PCSK2: variants seen among roughly 807,000 people sequenced by gnomAD.
The protein encoded by PCSK2 is neuroendocrine convertase 2.
Under a neutral mutation model 69.7 loss-of-function variants are expected in PCSK2, and 14 were observed. The observed-to-expected ratio is 0.20, with a 90% CI of 0.13 to 0.31. The LOEUF (loss-of-function observed/expected upper bound fraction) is 0.31, where lower values mean the gene tolerates loss of function less well. PCSK2 is among the 10% of genes least tolerant of loss of function. The pLI is 1.00. For synonymous variants in PCSK2, 307 were observed against 320.7 expected (o/e 0.96, Z 0.46); for missense variants, 544 against 842.5 (o/e 0.65, Z 4.39).
chr20:17,333,243 T>TA lies in PCSK2; in HGVS notation c.283-25080dup, dbSNP rs532544395. On this transcript the variant is annotated intron_variant, in intron 2 of 11. Transcript: ENST00000262545. ...AAAAAGAATGATAAAGCAAATGTGG[T>TA]AAAATGTTATATTTAGAAAATCTGA... Among the ~76,000 whole-genome samples, 323 of 152,320 alleles carry TA rather than the reference T, an allele frequency of 2.1e-3. 1 individual carries two copies. The highest frequency in any genetic ancestry group is 3.9e-3 in the Non-Finnish European group (263 of 68,034).
At chr20:17,277,499 G>C (rs1027785293) in intron 2 of PCSK2, among the ~76,000 whole-genome samples, 1 of 152,172 alleles carries the variant, frequency 6.6e-6, no homozygotes, top group Non-Finnish European at 1.5e-5. Context: ...ATGGTGCTGG[G>C]AAAACTGGCT....
At chr20:17,303,471 T>TTA (rs1186479395) in intron 2 of PCSK2, among the ~76,000 whole-genome samples, 2 of 49,010 alleles carry the variant, frequency 4.1e-5, no homozygotes, top group African/African-American at 1.6e-4. Context: ...ATAATATATA[T>TTA]TATATATAAT....
chr20:17,449,544 A>ATATATATATATATATGTATGTATG (rs2032776434), intron 8 of PCSK2, among the ~76,000 whole-genome samples: 1 of 73,368 alleles, frequency 1.4e-5, no homozygotes, highest in Admixed American at 1.2e-4. Context: ...ATATATGTAT[A>ATATATATATATATATGTATGTATG]TTTGAGACTG....
chr20:17,459,481 A>G (rs2032977801), intron 10 of PCSK2, among the ~76,000 whole-genome samples: 1 of 152,202 alleles, frequency 6.6e-6, no homozygotes, highest in African/African-American at 2.4e-5. Context: ...GTGCAATTCT[A>G]GTAGATATCG....
chr20:17,438,871 T>C (rs1221799443), intron 8 of PCSK2, among the ~76,000 whole-genome samples: 1 of 152,222 alleles, frequency 6.6e-6, no homozygotes, highest in Admixed American at 6.5e-5. Flanking sequence ...AAGGGAAAGC[T>C]TTACCCAAGA....
At position 17,484,338 on chromosome 20, in the gene PCSK2, C is replaced by T. The variant is rs2033459413; in HGVS notation, c.*2268C>T. 1 of 152,298 alleles carries T rather than the reference C, an allele frequency of 6.6e-6. No homozygotes were observed. Among genetic ancestry groups the T allele is most frequent in the Non-Finnish European group, 1.5e-5 (1 of 67,932 alleles). 9.4% of individuals were successfully genotyped at this position (152,298 alleles called of 1,614,324 possible). ...AGTGCTATATATATAAATATTTGGT[C>T]TCTATTTCATTTTTTGCATCAGTAT... is the stretch of plus-strand genomic sequence containing the variant. On this transcript the variant is annotated 3_prime_UTR_variant, in exon 12 of 12. Coordinates refer to ENST00000262545, the MANE Select transcript of PCSK2 (RefSeq NM_002594.5).
chr20:17,465,695 G>A (rs2123401787), intron 11 of PCSK2, 142 bp downstream of exon 11: 2 of 630,760 alleles, frequency 3.2e-6, no homozygotes, highest in South Asian at 2.1e-5. Flanking sequence ...TTGAGACAGG[G>A]CCTCACTTTG....
At chr20:17,476,142 G>A (rs542085531) in intron 11 of PCSK2, among the ~76,000 whole-genome samples, 3 of 152,256 alleles carry the variant, frequency 2.0e-5, no homozygotes, top group South Asian at 2.1e-4. Flanking sequence ...CCAGAGAGGT[G>A]GCCAGAAAAC....
intron 2 of PCSK2, among the ~76,000 whole-genome samples, chr20:17,267,118 T>A (rs1000758068): frequency 6.6e-6 from 1 of 152,124 alleles, no homozygotes; most frequent in African/African-American, 2.4e-5. Context: ...CAGCTCCCCA[T>A]CCACCCCTGC....
intron 2 of PCSK2, among the ~76,000 whole-genome samples, chr20:17,303,665 C>T (rs1989232351): frequency 6.9e-6 from 1 of 145,126 alleles, no homozygotes; most frequent in Non-Finnish European, 1.5e-5. Context: ...CAACCTCTGC[C>T]TCCCGAGTTC....
chr20:17,268,015 C>A (rs1987690292), intron 2 of PCSK2, among the ~76,000 whole-genome samples: 1 of 116,622 alleles, frequency 8.6e-6, no homozygotes, highest in Non-Finnish European at 1.9e-5. Flanking sequence ...AAAGGAAATG[C>A]ATTTATATAT....
At chr20:17,381,840 A>C (rs893003983) in intron 5 of PCSK2, among the ~76,000 whole-genome samples, 1 of 152,174 alleles carries the variant, frequency 6.6e-6, no homozygotes, top group African/African-American at 2.4e-5. Flanking sequence ...CCAGAACACT[A>C]GGTGGAAAGG....
At chr20:17,479,732 G>A (rs2033358957) in intron 11 of PCSK2, among the ~76,000 whole-genome samples, 2 of 149,620 alleles carry the variant, frequency 1.3e-5, no homozygotes, top group South Asian at 2.1e-4. Context: ...GGGAGGCGGA[G>A]CTTGCAGTGA....
intron 2 of PCSK2, among the ~76,000 whole-genome samples, chr20:17,294,762 T>A (rs1424512926): frequency 1.3e-5 from 2 of 152,196 alleles, no homozygotes; most frequent in African/African-American, 4.8e-5. Context: ...TTTTCAGTAA[T>A]CTTGTCTGTC....
At chr20:17,455,105 C>G (rs960208547) in intron 9 of PCSK2, among the ~76,000 whole-genome samples, 2 of 152,020 alleles carry the variant, frequency 1.3e-5, no homozygotes, top group African/African-American at 4.8e-5. Flanking sequence ...ACACTTCACT[C>G]TCACGCCTGA....
chr20:17,274,484 T>C (rs1476486737), intron 2 of PCSK2, among the ~76,000 whole-genome samples: 1 of 152,186 alleles, frequency 6.6e-6, no homozygotes, highest in African/African-American at 2.4e-5. Flanking sequence ...CTACCTGACC[T>C]GGTAGCTTCT....
intron 7 of PCSK2, among the ~76,000 whole-genome samples, chr20:17,432,542 A>T (rs970656025): frequency 2.4e-4 from 36 of 152,256 alleles, no homozygotes; most frequent in African/African-American, 8.4e-4. Flanking sequence ...TGTCTTTTTT[A>T]AAAAGGACCC....
At chr20:17,352,734 A>T (rs1664703215) in intron 2 of PCSK2, among the ~76,000 whole-genome samples, 1 of 152,230 alleles carries the variant, frequency 6.6e-6, no homozygotes, top group South Asian at 2.1e-4. Context: ...AAGACATCAA[A>T]CAATAAAAAC....
chr20:17,364,426 G>A (rs1429548173), intron 4 of PCSK2, among the ~76,000 whole-genome samples: 1 of 152,202 alleles, frequency 6.6e-6, no homozygotes, highest in Non-Finnish European at 1.5e-5. Flanking sequence ...AGAAAAAGAG[G>A]TTTAATAGAC....
Sources: gnomAD v4.1 joint callset for allele counts (sites outside exome capture counted in the v4.1 genomes callset) on GRCh38, gnomAD v4.1.1 for gene constraint, MANE v1.5 for transcripts, NCBI Gene and HGNC (gene_info 2026-07-23, HGNC 2026-07-21) for gene names.